ABHD13: variants seen among roughly 807,000 people sequenced by gnomAD.
ABHD13 encodes the protein protein ABHD13.
A neutral mutation model predicts 25.2 loss-of-function variants in ABHD13; 7 were observed. The observed-to-expected ratio is 0.28, with a 90% CI of 0.16 to 0.52. The LOEUF is 0.52. Ranked by LOEUF, ABHD13 falls within the 20% of genes least tolerant of loss-of-function variation. The pLI, the probability that ABHD13 is intolerant of heterozygous loss-of-function variation, is 0.96. For synonymous variants in ABHD13, 133 were observed against 136.1 expected (o/e 0.98, Z 0.16); for missense variants, 302 against 402.7 (o/e 0.75, Z 2.14).
At chr13:108,226,003 A>G (rs562282486) in intron 1 of ABHD13, among the ~76,000 whole-genome samples, 1 of 152,288 alleles carries the variant, frequency 6.6e-6, no homozygotes, top group African/African-American at 2.4e-5. Context: ...ATCTCCTCTG[A>G]AGACACGTTT....
chr13:108,222,277 A>G (rs549975800), intron 1 of ABHD13, among the ~76,000 whole-genome samples: 1 of 152,228 alleles, frequency 6.6e-6, no homozygotes, highest in South Asian at 2.1e-4. Flanking sequence ...TTATTCTCCT[A>G]CTAACCTTAC....
Position 108,230,258 on chromosome 13 carries a change from G to A in ABHD13, c.*26G>A. On this transcript the variant is annotated 3_prime_UTR_variant, in exon 2 of 2. Coordinates refer to ENST00000375898, the MANE Select transcript of ABHD13 (RefSeq NM_032859.3). Reference sequence around the variant, plus strand: ...TGTTTCCCTTTTTGATTATTGCATTGTATTTTAATTTGTGCAGAATGATAA... The same window carrying A: ...TGTTTCCCTTTTTGATTATTGCATTATATTTTAATTTGTGCAGAATGATAA... 1 of 1,505,966 alleles carries A rather than the reference G, an allele frequency of 6.6e-7. No homozygotes were observed. Among genetic ancestry groups the A allele is most frequent in the Non-Finnish European group, 9.0e-7 (1 of 1,116,542 alleles). 93.3% of individuals were successfully genotyped at this position (1,505,966 alleles called of 1,614,324 possible). A position where few individuals can be genotyped will look rare whatever the true frequency, so the allele number is the denominator to read the frequency against.
chr13:108,227,406 T>C (rs1053757434), intron 1 of ABHD13, among the ~76,000 whole-genome samples: 1 of 151,750 alleles, frequency 6.6e-6, no homozygotes, highest in Non-Finnish European at 1.5e-5. Context: ...CCTAGTCTTA[T>C]AAATTTTAAT....
intron 1 of ABHD13, among the ~76,000 whole-genome samples, 186 bp downstream of exon 1, chr13:108,218,845 G>A (rs1193991451): frequency 2.0e-5 from 3 of 152,050 alleles, no homozygotes; most frequent in Non-Finnish European, 4.4e-5. Context: ...GCCGGGGGTT[G>A]TGGAGGACCA....
At position 108,223,592 on chromosome 13, in the gene ABHD13, A is replaced by G. The variant is rs1399285482; in HGVS notation, c.-21+4933A>G. Among the ~76,000 whole-genome samples the G allele has an allele frequency of 2.0e-5, 3 of 152,222 alleles. No individual in the cohort carries two copies. In the South Asian group the frequency reaches 6.2e-4, roughly 31 times the overall value. On this transcript the variant is annotated intron_variant, in intron 1 of 1. Transcript: ENST00000375898. ...GGTGATAAAGAATACAGTGACTCCA[A>G]CACGTGAGGCCACTACCTTGATTCT... is the stretch of plus-strand genomic sequence containing the variant.
chr13:108,228,470 A>G (rs1287720104), intron 1 of ABHD13, among the ~76,000 whole-genome samples: 2 of 152,010 alleles, frequency 1.3e-5, no homozygotes, highest in Admixed American at 1.3e-4. Flanking sequence ...TGAAAGATAA[A>G]TCATTAATAA....
chr13:108,219,565 C>T (rs1879501306), intron 1 of ABHD13, among the ~76,000 whole-genome samples: 2 of 152,208 alleles, frequency 1.3e-5, no homozygotes, highest in South Asian at 4.1e-4. Context: ...TTCTTGATTG[C>T]CGATTTAGTG....
rs550540436 is a variant in ABHD13 at position 108,227,382 on chromosome 13, AG to A, written c.-20-1816del. ...GATATTAGAGATGCAATAGTGAAAA[AG>A]AGATATACAATTCCTAGTCTTATAA... On this transcript the variant is annotated intron_variant, in intron 1 of 1. Transcript: ENST00000375898. Among the ~76,000 whole-genome samples, 16 of 152,230 alleles carry A rather than the reference AG, an allele frequency of 1.1e-4. No individual in the cohort carries two copies. In the East Asian group the frequency reaches 2.7e-3, roughly 26 times the overall value.
At chr13:108,226,916 G>A (rs534016380) in intron 1 of ABHD13, among the ~76,000 whole-genome samples, 1 of 152,216 alleles carries the variant, frequency 6.6e-6, no homozygotes, top group South Asian at 2.1e-4. Context: ...CAATCCGTGA[G>A]TGGAGTTCTT....
At chr13:108,222,450 T>C (rs1328993192) in intron 1 of ABHD13, among the ~76,000 whole-genome samples, 10 of 152,126 alleles carry the variant, frequency 6.6e-5, no homozygotes, top group Admixed American at 6.5e-4. Context: ...AAATGTAATA[T>C]ATCTTTCTTA....
At chr13:108,224,421 C>CA (rs1879632180) in intron 1 of ABHD13, among the ~76,000 whole-genome samples, 1 of 152,158 alleles carries the variant, frequency 6.6e-6, no homozygotes, top group Non-Finnish European at 1.5e-5. Context: ...CCCCTGGGAG[C>CA]CTGCAGTGAT....
intron 1 of ABHD13, among the ~76,000 whole-genome samples, chr13:108,221,862 A>T (rs1475343779): frequency 6.6e-6 from 1 of 150,944 alleles, no homozygotes; most frequent in East Asian, 1.9e-4. Context: ...TTTTTGAGAC[A>T]TAGTCTCACT....
chr13:108,222,274 C>T (rs1428994443), intron 1 of ABHD13, among the ~76,000 whole-genome samples: 1 of 152,032 alleles, frequency 6.6e-6, no homozygotes, highest in Non-Finnish European at 1.5e-5. Context: ...AATTTATTCT[C>T]CTACTAACCT....
intron 1 of ABHD13, among the ~76,000 whole-genome samples, chr13:108,222,658 G>A (rs1349420419): frequency 6.6e-6 from 1 of 151,938 alleles, no homozygotes; most frequent in Non-Finnish European, 1.5e-5. Context: ...TTTATAAAGT[G>A]TATAAATTAA....
rs1413308102 is a variant in ABHD13 at position 108,232,782 on chromosome 13, A to G, written c.*2550A>G. On this transcript the variant is annotated 3_prime_UTR_variant, in exon 2 of 2. Coordinates refer to ENST00000375898, the MANE Select transcript of ABHD13 (RefSeq NM_032859.3). ...ATCTCACATCCATTATTTTAAAGGGAATGATTGGGGGGAAAAACTGGTGAA... is the reference window on the plus strand; with the variant it reads ...ATCTCACATCCATTATTTTAAAGGGGATGATTGGGGGGAAAAACTGGTGAA... 6.0e-6 allele frequency: 1 copy of G among 166,806 alleles called. No individual in the cohort carries two copies. The highest frequency in any genetic ancestry group is 1.5e-5 in the Non-Finnish European group (1 of 68,002). 10.3% of individuals were successfully genotyped at this position (166,806 alleles called of 1,614,324 possible).
Position 108,218,550 on chromosome 13 carries a change from T to G in ABHD13, c.-130T>G, listed in dbSNP as rs1462341058. On this transcript the variant is annotated 5_prime_UTR_variant, in exon 1 of 2. Transcript: ENST00000375898. The stretch of plus-strand genomic sequence containing the variant: ...AGACCGTGGCGCCGGCAGCGGCCCC[T>G]GGGCTGGAGGAGGATGATGAGGAGC... 5 of 151,646 alleles carry G rather than the reference T, an allele frequency of 3.3e-5. No individual in the cohort carries two copies. Among genetic ancestry groups the G allele is most frequent in the Admixed American group, 1.3e-4 (2 of 15,260 alleles). The allele number at this position is 151,646 out of a possible 1,614,324, so 9.4% of individuals were successfully genotyped here. A position where few individuals can be genotyped will look rare whatever the true frequency, so the allele number is the denominator to read the frequency against.
At position 108,234,049 on chromosome 13, in the gene ABHD13, C is replaced by A. The variant is rs1879869955; in HGVS notation, c.*3817C>A. 6.0e-6 allele frequency: 1 copy of A among 166,762 alleles called. No individual in the cohort carries two copies. Among genetic ancestry groups the A allele is most frequent in the Non-Finnish European group, 1.5e-5 (1 of 67,946 alleles). 10.3% of individuals were successfully genotyped at this position (166,762 alleles called of 1,614,324 possible). ...GTTAATCCCATTTCATAATGTAAAT[C>A]ATATTTTTGTTATTTGCCATATTTT... On this transcript the variant is annotated 3_prime_UTR_variant, in exon 2 of 2. Transcript: ENST00000375898.
In ABHD13 at chr13:108,232,049, G is replaced by A. The variant is rs994333147; in HGVS notation, c.*1817G>A. Reference sequence around the variant, plus strand: ...TATTAAAAAGAAAATACAACAAAATGTATATTTAGACACGAGCTTACATGG... The same window carrying A: ...TATTAAAAAGAAAATACAACAAAATATATATTTAGACACGAGCTTACATGG... On this transcript the variant is annotated 3_prime_UTR_variant, in exon 2 of 2. Coordinates refer to ENST00000375898, the MANE Select transcript of ABHD13 (RefSeq NM_032859.3). The A allele has an allele frequency of 1.8e-5, 3 of 166,336 alleles. No homozygotes were observed. Among genetic ancestry groups the A allele is most frequent in the African/African-American group, 7.3e-5 (3 of 41,294 alleles). The allele number at this position is 166,336 out of a possible 1,614,324, so 10.3% of individuals were successfully genotyped here.
chr13:108,219,270 A>G (rs562319236), intron 1 of ABHD13, among the ~76,000 whole-genome samples: 8 of 152,314 alleles, frequency 5.3e-5, no homozygotes, highest in African/African-American at 1.9e-4. Context: ...ATTTTGCTGT[A>G]GATTTTAGTC....
Sources: gnomAD v4.1 joint callset for allele counts (sites outside exome capture counted in the v4.1 genomes callset) on GRCh38, gnomAD v4.1.1 for gene constraint, MANE v1.5 for transcripts, NCBI Gene and HGNC (gene_info 2026-07-23, HGNC 2026-07-21) for gene names.